ZBTB20: variants seen among roughly 807,000 people sequenced by gnomAD.
The protein encoded by ZBTB20 is zinc finger and BTB domain containing 20.
In ZBTB20, 9 loss-of-function variants were observed where a neutral mutation model predicts 56.9. That is an observed-to-expected ratio of 0.16 (90% CI 0.10 to 0.28). The LOEUF (loss-of-function observed/expected upper bound fraction) is 0.28. Ranked by LOEUF, ZBTB20 falls within the 10% of genes least tolerant of loss-of-function variation. The pLI, the probability that ZBTB20 is intolerant of heterozygous loss-of-function variation, is 1.00. For synonymous variants in ZBTB20, 417 were observed against 420.7 expected (o/e 0.99, Z 0.11); for missense variants, 655 against 1,003.0 (o/e 0.65, Z 4.69).
rs115678697 is a variant in ZBTB20, at chr3:115,122,381, A to C, written c.-703+24838T>G. 2.6e-3 allele frequency among the ~76,000 whole-genome samples: 393 copies of C among 152,110 alleles called. 3 individuals carry two copies. The highest frequency in any genetic ancestry group is 6.0e-3 in the Admixed American group (91 of 15,282). ...CAAGACCAATGGACAGCGACCGTCTAATTCTCTTCTCTTATCTTCCTTAGC... is the reference window on the plus strand; with the variant it reads ...CAAGACCAATGGACAGCGACCGTCTCATTCTCTTCTCTTATCTTCCTTAGC... On this transcript the variant is annotated intron_variant, in intron 1 of 11. Coordinates refer to ENST00000675478, the MANE Select transcript of ZBTB20 (RefSeq NM_001348800.3).
chr3:114,787,045 G>T (rs2070547533), intron 5 of ZBTB20, among the ~76,000 whole-genome samples: 1 of 151,896 alleles, frequency 6.6e-6, no homozygotes, highest in South Asian at 2.1e-4. Flanking sequence ...CATGATCATG[G>T]TTCACTGCAG....
rs1302679165 is a variant in ZBTB20 at position 114,681,414 on chromosome 3, G to A, written c.-295+12114C>T. On this transcript the variant is annotated intron_variant, in intron 6 of 11. Transcript: ENST00000675478. ...GACTTCAGGTGATCCACCTCCCTTG[G>A]CCTCCCAAAGTGCTGGGATTACAGG... Among the ~76,000 whole-genome samples, 7 of 151,944 alleles carry A rather than the reference G, an allele frequency of 4.6e-5. No individual in the cohort carries two copies. The East Asian group carries it at 1.2e-3, about 25-fold the overall frequency.
intron 3 of ZBTB20, among the ~76,000 whole-genome samples, chr3:114,950,108 C>T (rs781356669): frequency 2.0e-5 from 3 of 152,140 alleles, no homozygotes; most frequent in East Asian, 1.9e-4. Context: ...GTGTTTTCGA[C>T]GAGTAGAACA....
chr3:114,877,830 C>G (rs1251498737), intron 4 of ZBTB20, among the ~76,000 whole-genome samples: 1 of 151,938 alleles, frequency 6.6e-6, no homozygotes, highest in African/African-American at 2.4e-5. Context: ...CTTTATTAGA[C>G]AGCATCTAAT....
intron 5 of ZBTB20, among the ~76,000 whole-genome samples, chr3:114,789,935 T>C (rs1024295391): frequency 3.3e-5 from 5 of 152,112 alleles, no homozygotes; most frequent in African/African-American, 1.2e-4. Context: ...AAGTGAAACA[T>C]GATGTAATTT....
At chr3:114,437,537 T>A (rs955239060) in intron 7 of ZBTB20, among the ~76,000 whole-genome samples, 1 of 151,970 alleles carries the variant, frequency 6.6e-6, no homozygotes, top group Non-Finnish European at 1.5e-5. Flanking sequence ...AGCTTCCAAG[T>A]GAGTTAGGCT....
At chr3:114,521,269 G>T (rs1188873009) in intron 6 of ZBTB20, among the ~76,000 whole-genome samples, 2 of 152,096 alleles carry the variant, frequency 1.3e-5, no homozygotes, top group African/African-American at 2.4e-5. Flanking sequence ...GGTCTGATCT[G>T]GGAACACCTT....
chr3:114,801,614 T>G (rs747975136), intron 4 of ZBTB20, among the ~76,000 whole-genome samples: 2 of 151,848 alleles, frequency 1.3e-5, no homozygotes, highest in Non-Finnish European at 2.9e-5. Context: ...AAAGGGAAAT[T>G]ATGACTTCAA....
intron 6 of ZBTB20, among the ~76,000 whole-genome samples, chr3:114,592,350 G>A (rs77032407): frequency 0.021 from 3,234 of 152,276 alleles, 112 homozygotes; most frequent in African/African-American, 0.073. Flanking sequence ...TCAAGGCGTT[G>A]TGTCCTGGTA....
chr3:115,125,346 TAA>T (rs55740856), intron 1 of ZBTB20, among the ~76,000 whole-genome samples: 47 of 121,340 alleles, frequency 3.9e-4, no homozygotes, highest in East Asian at 1.5e-3. Flanking sequence ...CTGCCTCAAA[TAA>T]AAAAAAAAAA....
chr3:115,114,506 A>G (rs1252466984), intron 1 of ZBTB20, among the ~76,000 whole-genome samples: 2 of 152,172 alleles, frequency 1.3e-5, no homozygotes, highest in Non-Finnish European at 2.9e-5. Flanking sequence ...CTATAAACTA[A>G]GAGGTGTAGC....
intron 2 of ZBTB20, among the ~76,000 whole-genome samples, chr3:115,038,457 G>T (rs2081015496): frequency 6.6e-6 from 1 of 152,090 alleles, no homozygotes; most frequent in Non-Finnish European, 1.5e-5. Flanking sequence ...ATAAATAGAT[G>T]TAAATACAAT....
intron 10 of ZBTB20, among the ~76,000 whole-genome samples, chr3:114,363,363 A>G (rs867407552): frequency 6.6e-6 from 1 of 152,200 alleles, no homozygotes; most frequent in South Asian, 2.1e-4. Flanking sequence ...GAGAACACCA[A>G]ATATCTCTAT....
chr3:114,547,128 AG>A (rs2049984780), intron 6 of ZBTB20, among the ~76,000 whole-genome samples: 1 of 152,232 alleles, frequency 6.6e-6, no homozygotes, highest in African/African-American at 2.4e-5. Context: ...GAGTTGGGAA[AG>A]AAAAGGAGGC....
At chr3:114,361,817 G>C (rs796641762) in intron 10 of ZBTB20, among the ~76,000 whole-genome samples, 34 of 152,274 alleles carry the variant, frequency 2.2e-4, no homozygotes, top group African/African-American at 7.9e-4. Context: ...ACTTCTGGAG[G>C]CTGGACATAA....
intron 6 of ZBTB20, among the ~76,000 whole-genome samples, chr3:114,645,827 A>T (rs1382758025): frequency 6.6e-6 from 1 of 152,200 alleles, no homozygotes; most frequent in East Asian, 1.9e-4. Context: ...ATTACAAAGA[A>T]TGTTGTATAA....
At chr3:114,903,151 C>T (rs1239997547) in intron 3 of ZBTB20, among the ~76,000 whole-genome samples, 1 of 152,064 alleles carries the variant, frequency 6.6e-6, no homozygotes, top group Non-Finnish European at 1.5e-5. Flanking sequence ...GGTAGTTAAG[C>T]ACTTAGCTTT....
At chr3:115,098,410 GTCAGAAA>G (rs2083456248) in intron 1 of ZBTB20, among the ~76,000 whole-genome samples, 1 of 152,024 alleles carries the variant, frequency 6.6e-6, no homozygotes, top group Non-Finnish European at 1.5e-5. Flanking sequence ...TTGGGTCACC[GTCAGAAA>G]TGGCATAAAG....
At chr3:114,761,552 A>G (rs2068439301) in intron 5 of ZBTB20, among the ~76,000 whole-genome samples, 1 of 152,156 alleles carries the variant, frequency 6.6e-6, no homozygotes, top group South Asian at 2.1e-4. Context: ...AAAGAAAATA[A>G]GTCCGGGCAC....
Sources: allele counts gnomAD v4.1 joint callset (sites outside exome capture counted in the v4.1 genomes callset), GRCh38; gene constraint gnomAD v4.1.1; transcripts MANE v1.5; gene names NCBI Gene and HGNC (gene_info 2026-07-23, HGNC 2026-07-21).